The following KCNMB1 variants were observed in gnomAD, a reference collection of about 807,000 sequenced individuals.
KCNMB1 encodes the protein potassium calcium-activated channel subfamily M regulatory beta subunit 1.
Under a neutral mutation model 21.7 loss-of-function variants are expected in KCNMB1, and 22 were observed. The ratio of observed to expected loss-of-function variants is 1.01; its 90% CI spans 0.72 to 1.45. KCNMB1 has a LOEUF of 1.45. Among genes scored for constraint, KCNMB1 ranks in the 40% most tolerant of loss-of-function variants. The pLI is 0.00. For missense variants in KCNMB1, 243 were observed against 243.4 expected, an observed-to-expected ratio of 1.00 and a Z score of 0.01; for synonymous variants, 114 against 107.6, an observed-to-expected ratio of 1.06 and a Z score of -0.37.
intron 1 of KCNMB1, among the ~76,000 whole-genome samples, chr5:170,388,864 C>T (rs314106): frequency 0.38 from 57,609 of 152,080 alleles, 11,010 homozygotes; most frequent in African/African-American, 0.44. Flanking sequence ...AAATCAGCCC[C>T]CAGTAAATAT....
intron 3 of KCNMB1, chr5:170,382,924 G>C (rs1248791352): frequency 6.6e-6 from 1 of 150,624 alleles, no homozygotes; most frequent in Non-Finnish European, 1.5e-5. Flanking sequence ...ATAAATGAGA[G>C]GAGGAAAGAA....
At position 170,376,834 on chromosome 5, in the gene KCNMB1, T is replaced by G. The variant is rs1764023798; in HGVS notation, c.*1870A>C. On this transcript the variant is annotated 3_prime_UTR_variant, in exon 4 of 4. Transcript: ENST00000274629. ...AACTCCCTTGACACAAGTGTACCTA[T>G]GTAACAAACCTGAACGTGTACCCTG... The G allele has an allele frequency of 6.6e-6, 1 of 152,136 alleles. No individual in the cohort carries two copies. Among genetic ancestry groups the G allele is most frequent in the Non-Finnish European group, 1.5e-5 (1 of 68,034 alleles). The allele number at this position is 152,136 out of a possible 1,614,324, so 9.4% of individuals were successfully genotyped here.
chr5:170,379,057 C>G (rs573317127), intron 3 of KCNMB1, 84 bp from the exon 4 acceptor site: 7 of 1,509,180 alleles, frequency 4.6e-6, no homozygotes, highest in Admixed American at 2.0e-5. Context: ...AGAAAAATAC[C>G]AGCTTTGTAG....
In KCNMB1 at chr5:170,376,416, G is replaced by A. The variant is rs920971750; in HGVS notation, c.*2288C>T. 1.3e-5 allele frequency: 2 copies of A among 151,830 alleles called. No homozygotes were observed. Among genetic ancestry groups the A allele is most frequent in the Non-Finnish European group, 2.9e-5 (2 of 67,964 alleles). The allele number at this position is 151,830 out of a possible 1,614,324, so 9.4% of individuals were successfully genotyped here. ...CTGACCTCGTGATCTGCCCACCTCG[G>A]CCTCCCAAAGTGCTGGGATTACAGG... On this transcript the variant is annotated 3_prime_UTR_variant, in exon 4 of 4. Transcript: ENST00000274629.
At position 170,383,831 on chromosome 5, in the gene KCNMB1, T is replaced by C. The variant is rs778208287; in HGVS notation, c.154A>G (p.Lys52Glu). 9 of 1,613,944 alleles carry C rather than the reference T, an allele frequency of 5.6e-6. No homozygotes were observed. The South Asian group carries it at 8.8e-5, about 16-fold the overall frequency. The change falls in exon 3 of 4, where the codon AAG (lysine) becomes GAG (glutamate). Residue 52 changes from lysine to glutamate, a missense_variant. Lys to Glu is a moderately conservative substitution (Grantham distance 56, BLOSUM62 1). Transcript: ENST00000274629. ...YQKSVWTQESKCHLIETNIRD... is the reference protein window; with the variant it reads ...YQKSVWTQESECHLIETNIRD... ...ATGTTGGTCTCAATCAGGTGGCACT[T>C]GGATTCCTGGGTCCACACGCTGAGG...
At position 170,375,871 on chromosome 5, in the gene KCNMB1, G is replaced by A. The variant is rs1283285825; in HGVS notation, c.*2833C>T. On this transcript the variant is annotated 3_prime_UTR_variant, in exon 4 of 4. Coordinates refer to ENST00000274629, the MANE Select transcript of KCNMB1 (RefSeq NM_004137.4). ...ATTATCAGTTTCGTTTTGCAAACGA[G>A]GAAACAGGCACAGAAAGGTTATTCG... 6.6e-6 allele frequency: 1 copy of A among 152,192 alleles called. No homozygotes were observed. Among genetic ancestry groups the A allele is most frequent in the African/African-American group, 2.4e-5 (1 of 41,442 alleles). 9.4% of individuals were successfully genotyped at this position (152,192 alleles called of 1,614,324 possible).
intron 1 of KCNMB1, among the ~76,000 whole-genome samples, chr5:170,387,222 G>T (rs531962036): frequency 6.6e-6 from 1 of 152,224 alleles, no homozygotes; most frequent in Admixed American, 6.5e-5. Context: ...CAGATATCAG[G>T]GGGACTTTAT....
chr5:170,382,397 C>T (rs947105777), intron 3 of KCNMB1, among the ~76,000 whole-genome samples: 2 of 152,140 alleles, frequency 1.3e-5, no homozygotes, highest in Admixed American at 6.5e-5. Flanking sequence ...GAGACATACA[C>T]ACTCACATTT....
chr5:170,387,442 C>T (rs1764522780), intron 1 of KCNMB1, among the ~76,000 whole-genome samples: 1 of 152,188 alleles, frequency 6.6e-6, no homozygotes, highest in African/African-American at 2.4e-5. Context: ...ACCCGGGCAT[C>T]TCCGCTAAAG....
chr5:170,383,987 G>T, intron 2 of KCNMB1, 137 bp from the exon 3 acceptor site: 1 of 818,554 alleles, frequency 1.2e-6, no homozygotes, highest in Non-Finnish European at 1.9e-6. Flanking sequence ...TCAGCATCCA[G>T]CAATAAAGGC....
In KCNMB1 at chr5:170,376,158, T is replaced by TA. The variant is rs1387589564; in HGVS notation, c.*2545_*2546insT. ...AGTATTCATGACTTATTCTTTTTTT[T>TA]TTTTTTTTTTTTTTTTTTTTGAGAC... is the stretch of plus-strand genomic sequence containing the variant. On this transcript the variant is annotated 3_prime_UTR_variant, in exon 4 of 4. Coordinates refer to ENST00000274629, the MANE Select transcript of KCNMB1 (RefSeq NM_004137.4). The TA allele has an allele frequency of 7.6e-6, 1 of 131,372 alleles. No homozygotes were observed. Among genetic ancestry groups the TA allele is most frequent in the Non-Finnish European group, 1.6e-5 (1 of 63,186 alleles). The allele number at this position is 131,372 out of a possible 1,614,324, so 8.1% of individuals were successfully genotyped here.
At position 170,378,909 on chromosome 5, in the gene KCNMB1, C is replaced by G; in HGVS notation, c.371G>C (p.Arg124Thr). 6.2e-7 allele frequency: 1 copy of G among 1,614,240 alleles called. No individual in the cohort carries two copies. The highest frequency in any genetic ancestry group is 8.5e-7 in the Non-Finnish European group (1 of 1,180,040). ...GACCTGCTGCTCTTGGAATTTGGCTCTGACCTTCTCCACGTCGGCCCGGGC... is the reference window on the plus strand; with the variant it reads ...GACCTGCTGCTCTTGGAATTTGGCTGTGACCTTCTCCACGTCGGCCCGGGC... ...QTARADVEKVRAKFQEQQVFY... is the reference protein window; with the variant it reads ...QTARADVEKVTAKFQEQQVFY... The change falls in exon 4 of 4, where the codon AGA becomes ACA. Residue 124 changes from arginine to threonine, a missense_variant. Arg to Thr is a moderately conservative substitution (Grantham distance 71). Transcript: ENST00000274629.
In KCNMB1 at chr5:170,385,489, A is replaced by G. The variant is rs771987507; in HGVS notation, c.-24-18T>C. On this transcript the variant is annotated intron_variant, in intron 1 of 3. Transcript: ENST00000274629. ...GATCATTTCTAGGTCCACAGAAGCAAACAGAAGTGAGATCAGCCCAGTTCA... is the reference window on the plus strand; with the variant it reads ...GATCATTTCTAGGTCCACAGAAGCAGACAGAAGTGAGATCAGCCCAGTTCA... 4 of 1,613,186 alleles carry G rather than the reference A, an allele frequency of 2.5e-6. No homozygotes were observed. The highest frequency in any genetic ancestry group is 1.1e-5 in the South Asian group (1 of 90,934).
chr5:170,387,969 A>T lies in KCNMB1; in HGVS notation c.-25+1290T>A, dbSNP rs73800653. On this transcript the variant is annotated intron_variant, in intron 1 of 3. Transcript: ENST00000274629. ...ACAAAGCCATTTCTCTCCTGGGGGA[A>T]CTGGATCGCACCTGTGGGGGCTTCC... Among the ~76,000 whole-genome samples, 322 of 152,330 alleles carry T rather than the reference A, an allele frequency of 2.1e-3. 2 individuals carry two copies. The highest frequency in any genetic ancestry group is 0.02 in the Middle Eastern group (6 of 294).
In KCNMB1 at chr5:170,376,008, G is replaced by A. The variant is rs1468446788; in HGVS notation, c.*2696C>T. 6.6e-6 allele frequency: 1 copy of A among 152,234 alleles called. No homozygotes were observed. The highest frequency in any genetic ancestry group is 2.4e-5 in the African/African-American group (1 of 41,422). The allele number at this position is 152,234 out of a possible 1,614,324, so 9.4% of individuals were successfully genotyped here. ...CTCTGTTGCTTCTCATCATCTGTGAGGCAGGTTCAGGAGTATCTCATTTTT... is the reference window on the plus strand; with the variant it reads ...CTCTGTTGCTTCTCATCATCTGTGAAGCAGGTTCAGGAGTATCTCATTTTT... On this transcript the variant is annotated 3_prime_UTR_variant, in exon 4 of 4. Transcript: ENST00000274629.
At position 170,375,654 on chromosome 5, in the gene KCNMB1, T is replaced by C. The variant is rs1054256239; in HGVS notation, c.*3050A>G. On this transcript the variant is annotated 3_prime_UTR_variant, in exon 4 of 4. Transcript: ENST00000274629. Reference sequence around the variant, plus strand: ...CAGCTGGCTCTGCTGAGTTCTGTGGTTGAGATGCCAGGTACTGGAACACAC... The same window carrying C: ...CAGCTGGCTCTGCTGAGTTCTGTGGCTGAGATGCCAGGTACTGGAACACAC... 5 of 152,770 alleles carry C rather than the reference T, an allele frequency of 3.3e-5. No individual in the cohort carries two copies. Among genetic ancestry groups the C allele is most frequent in the African/African-American group, 9.6e-5 (4 of 41,556 alleles). 9.5% of individuals were successfully genotyped at this position (152,770 alleles called of 1,614,324 possible).
At chr5:170,383,332 C>T (rs1764327268) in intron 3 of KCNMB1, 1 of 560,946 alleles carries the variant, frequency 1.8e-6, no homozygotes, top group Non-Finnish European at 3.2e-6. Flanking sequence ...TGTTTGAGTG[C>T]CCACTATCCA....
At position 170,376,787 on chromosome 5, in the gene KCNMB1, T is replaced by G. The variant is rs995071858; in HGVS notation, c.*1917A>C. 4 of 152,066 alleles carry G rather than the reference T, an allele frequency of 2.6e-5. No individual in the cohort carries two copies. The highest frequency in any genetic ancestry group is 9.7e-5 in the African/African-American group (4 of 41,382). 9.4% of individuals were successfully genotyped at this position (152,066 alleles called of 1,614,324 possible). On this transcript the variant is annotated 3_prime_UTR_variant, in exon 4 of 4. Transcript: ENST00000274629. ...ATGGGTACTAGACTTAATACCTGGGTGATGAAATAATCTGCACAACAAACT... is the reference window on the plus strand; with the variant it reads ...ATGGGTACTAGACTTAATACCTGGGGGATGAAATAATCTGCACAACAAACT...
intron 3 of KCNMB1, among the ~76,000 whole-genome samples, chr5:170,382,104 C>A (rs938203856): frequency 1.3e-5 from 2 of 152,206 alleles, no homozygotes; most frequent in Admixed American, 6.5e-5. Flanking sequence ...CTGCAGGCCA[C>A]ATCTTGGTCG....
Sources: allele counts gnomAD v4.1 joint callset (sites outside exome capture counted in the v4.1 genomes callset), GRCh38; gene constraint gnomAD v4.1.1; transcripts MANE v1.5; gene names NCBI Gene and HGNC (gene_info 2026-07-23, HGNC 2026-07-21).